The following DST variants were observed in gnomAD, a reference collection of about 807,000 sequenced individuals.
The protein encoded by DST is bullous pemphigoid antigen.
A neutral mutation model predicts 875.2 loss-of-function variants in DST; 253 were observed. The ratio of observed to expected loss-of-function variants is 0.29; its 90% CI spans 0.26 to 0.32. DST has a LOEUF of 0.32. Among genes scored for constraint, DST ranks in the 10% least tolerant of loss-of-function variants. DST has a pLI of 1.00. For missense variants in DST, 8,287 were observed against 9,111.6 expected (o/e 0.91, Z 3.68); for synonymous variants, 3,124 against 3,197.1 (o/e 0.98, Z 0.77).
At chr6:56,531,043 C>T (rs1366679678) in intron 64 of DST, among the ~76,000 whole-genome samples, 1 of 152,154 alleles carries the variant, frequency 6.6e-6, no homozygotes, top group Non-Finnish European at 1.5e-5. Context: ...ATTTCTATAA[C>T]ATATCACAAT....
intron 2 of DST, among the ~76,000 whole-genome samples, chr6:56,905,681 C>T (rs1430672397): frequency 6.7e-6 from 1 of 148,786 alleles, no homozygotes; most frequent in East Asian, 2.0e-4. Context: ...CAGAGTCTTG[C>T]TTTGTCACCC....
chr6:56,494,853 A>C (rs1045968413), intron 82 of DST, among the ~76,000 whole-genome samples: 21 of 152,064 alleles, frequency 1.4e-4, no homozygotes, highest in Non-Finnish European at 2.6e-4. Flanking sequence ...TTCTCATTTA[A>C]AAAATTAAGA....
chr6:56,535,502 C>G (rs2096978420), intron 62 of DST, among the ~76,000 whole-genome samples: 1 of 152,156 alleles, frequency 6.6e-6, no homozygotes, highest in South Asian at 2.1e-4. Context: ...AATAAGGTTA[C>G]CATCACAGTC....
chr6:56,530,768 C>T (rs1047386310), intron 64 of DST, among the ~76,000 whole-genome samples: 2 of 152,126 alleles, frequency 1.3e-5, no homozygotes, highest in African/African-American at 4.8e-5. Flanking sequence ...TTTGGAAATA[C>T]GTTTCCTCAG....
intron 61 of DST, chr6:56,540,157 A>C: frequency 6.6e-6 from 1 of 152,528 alleles, no homozygotes; most frequent in East Asian, 1.9e-4. Context: ...TCAAACCTCC[A>C]AAACAAAAGT....
intron 2 of DST, among the ~76,000 whole-genome samples, chr6:56,904,265 T>A (rs541662480): frequency 7.9e-5 from 12 of 152,294 alleles, no homozygotes; most frequent in African/African-American, 2.9e-4. Context: ...GACAGACACA[T>A]GTGAGGTACC....
rs979278398 is a variant in DST at position 56,477,374 on chromosome 6, T to C, written c.21646A>G (p.Ile7216Val). The C allele has an allele frequency of 6.2e-7, 1 of 1,613,996 alleles. No homozygotes were observed. The highest frequency in any genetic ancestry group is 8.5e-7 in the Non-Finnish European group (1 of 1,179,874). Reference sequence around the variant, plus strand: ...TCAAACCTCGCCCGGATGATTGTTATCCAGTGCTTAATGGTAGTGATGGAG... The same window carrying C: ...TCAAACCTCGCCCGGATGATTGTTACCCAGTGCTTAATGGTAGTGATGGAG... ...PDSITTIKHW[I>V]TIIRARFEEV... Residue 7216 changes from isoleucine to valine, a missense_variant, in exon 91 of 104, where the codon ATA (isoleucine) becomes GTA (valine). Physicochemically the swap from Ile to Val is conservative, Grantham distance 29. This residue lies in a region of DST where 1,292 missense variants were observed against 1,552.7 expected (regional missense o/e 0.83). Coordinates refer to ENST00000680361, the MANE Select transcript of DST (RefSeq NM_001374736.1).
chr6:56,865,325 G>C (rs1773470433), intron 3 of DST, among the ~76,000 whole-genome samples: 1 of 151,186 alleles, frequency 6.6e-6, no homozygotes, highest in African/African-American at 2.4e-5. Flanking sequence ...AAGAGAGACA[G>C]AGAGAGAGAG....
At chr6:56,636,511 C>CA in intron 23 of DST, 46 bp downstream of exon 23, 1 of 1,523,368 alleles carries the variant, frequency 6.6e-7, no homozygotes, top group Non-Finnish European at 9.1e-7. Flanking sequence ...GCAAGTTAGC[C>CA]AAAATCACAA....
intron 4 of DST, among the ~76,000 whole-genome samples, chr6:56,818,041 G>A (rs2099768700): frequency 1.3e-5 from 2 of 152,108 alleles, no homozygotes; most frequent in Non-Finnish European, 2.9e-5. Context: ...AAGGAATGAA[G>A]CCCGTCTCTA....
Position 56,476,340 on chromosome 6 carries a change from G to A in DST, c.21676-3C>T. On this transcript the variant is annotated splice_polypyrimidine_tract_variant and splice_region_variant and intron_variant, in intron 91 of 103. Coordinates refer to ENST00000680361, the MANE Select transcript of DST (RefSeq NM_001374736.1). Reference sequence around the variant, plus strand: ...TGTTGCTTTGCCCAGGCCAGCACCTGTCAGAGAAACAGAAATTTCTCTGAA... The same window carrying A: ...TGTTGCTTTGCCCAGGCCAGCACCTATCAGAGAAACAGAAATTTCTCTGAA... 6.5e-7 allele frequency: 1 copy of A among 1,547,660 alleles called. No homozygotes were observed. Among genetic ancestry groups the A allele is most frequent in the Non-Finnish European group, 8.7e-7 (1 of 1,148,074 alleles).
chr6:56,778,780 T>C (rs2099685359), intron 4 of DST, among the ~76,000 whole-genome samples: 1 of 152,020 alleles, frequency 6.6e-6, no homozygotes, highest in Non-Finnish European at 1.5e-5. Flanking sequence ...ATCCAGTCTA[T>C]TATTGTTGGA....
Position 56,553,211 on chromosome 6 carries a change from A to C in DST, c.15581T>G (p.Phe5194Cys), listed in dbSNP as rs2097349078. ...CTCTCCTTCAGCAGGATCCAAGCAA[A>C]ATTTTATTTCCTCCAGGTTGTTTTG... Reference protein sequence around the residue: ...KCQNNLEEIKFCLDPAEGENS... With the variant: ...KCQNNLEEIKCCLDPAEGENS... The change falls in exon 61 of 104, where the codon TTT (phenylalanine) becomes TGT (cysteine). Residue 5194 changes from phenylalanine (F) to cysteine (C), a missense_variant. Phe to Cys is a radical substitution (Grantham distance 205, BLOSUM62 -2). Transcript: ENST00000680361. The C allele has an allele frequency of 6.2e-7, 1 of 1,613,748 alleles. No homozygotes were observed. Among genetic ancestry groups the C allele is most frequent in the Non-Finnish European group, 8.5e-7 (1 of 1,179,896 alleles).
At chr6:56,808,561 A>T (rs1189056014) in intron 4 of DST, among the ~76,000 whole-genome samples, 1 of 152,240 alleles carries the variant, frequency 6.6e-6, no homozygotes, top group Non-Finnish European at 1.5e-5. Context: ...CCTAAATGAA[A>T]ATAATAAAAT....
At chr6:56,577,494 T>C (rs528934180) in intron 50 of DST, among the ~76,000 whole-genome samples, 1 of 152,324 alleles carries the variant, frequency 6.6e-6, no homozygotes, top group South Asian at 2.1e-4. Context: ...GACTTATACA[T>C]ACATCTGCAT....
intron 5 of DST, among the ~76,000 whole-genome samples, chr6:56,732,744 G>T (rs765311211): frequency 6.6e-6 from 1 of 152,092 alleles, no homozygotes; most frequent in Admixed American, 6.6e-5. Context: ...ACAAAAATTA[G>T]CAAATAGTTG....
chr6:56,824,748 A>G, intron 4 of DST, among the ~76,000 whole-genome samples: 1 of 149,098 alleles, frequency 6.7e-6, no homozygotes, highest in Non-Finnish European at 1.5e-5. Context: ...CCGTCTGAGA[A>G]GTGAGGAGTC....
intron 4 of DST, among the ~76,000 whole-genome samples, chr6:56,846,917 C>T (rs1267435425): frequency 2.0e-5 from 3 of 149,002 alleles, no homozygotes; most frequent in East Asian, 2.0e-4. Context: ...GTGGGAGGAT[C>T]GCTTGAGCCC....
At chr6:56,635,060 A>T in intron 24 of DST, 107 bp from the exon 25 acceptor site, 1 of 850,054 alleles carries the variant, frequency 1.2e-6, no homozygotes, top group Non-Finnish European at 1.9e-6. Context: ...CTCTCTGACT[A>T]CCTAGTCTAA....
Sources: gnomAD v4.1 joint callset for allele counts (sites outside exome capture counted in the v4.1 genomes callset) on GRCh38, gnomAD v4.1.1 for gene constraint, gnomAD v4.1.1 regional missense constraint, MANE v1.5 for transcripts, NCBI Gene and HGNC (gene_info 2026-07-23, HGNC 2026-07-21) for gene names.